The following HHAT variants were observed in gnomAD, a reference collection of about 807,000 sequenced individuals.
HHAT encodes hedgehog acyltransferase.
HHAT carries 47 observed loss-of-function variants against 70.8 expected under a neutral mutation model. The observed-to-expected ratio is 0.66, with a 90% confidence interval of 0.53 to 0.85. The LOEUF is 0.85. Among genes scored for constraint, HHAT ranks in the 40% least tolerant of loss-of-function variants. The pLI, the probability that HHAT is intolerant of heterozygous loss-of-function variation, is 0.00. For missense variants in HHAT, 609 were observed against 604.8 expected (o/e 1.01, Z -0.07); for synonymous variants, 228 against 247.6 (o/e 0.92, Z 0.74).
chr1:210,408,068 T>C (rs1230602423), intron 6 of HHAT, among the ~76,000 whole-genome samples: 1 of 152,198 alleles, frequency 6.6e-6, no homozygotes, highest in African/African-American at 2.4e-5. Flanking sequence ...TGCCTCAGTC[T>C]TCTTATCAGT....
chr1:210,338,753 A>G (rs1442050363), intron 1 of HHAT, among the ~76,000 whole-genome samples: 4 of 152,222 alleles, frequency 2.6e-5, no homozygotes, highest in Non-Finnish European at 5.9e-5. Context: ...CCCTGAAACC[A>G]TATCACACTA....
intron 9 of HHAT, among the ~76,000 whole-genome samples, chr1:210,575,281 A>G (rs1287665740): frequency 6.6e-6 from 1 of 152,018 alleles, no homozygotes; most frequent in Non-Finnish European, 1.5e-5. Flanking sequence ...AAGCTTATAA[A>G]TGCTTTCAGC....
In HHAT at chr1:210,502,383, CAAAAAAA is replaced by C. The variant is rs1177468677; in HGVS notation, c.1008-10757_1008-10751del. The stretch of plus-strand genomic sequence containing the variant: ...TGGGCAAAAGAGCAAGACTCAGTCT[CAAAAAAA>C]AAAAAAAAAAAATCTTTCCTAGTCC... On this transcript the variant is annotated intron_variant, in intron 8 of 11. Transcript: ENST00000261458. Among the ~76,000 whole-genome samples, 54 of 87,020 alleles carry C rather than the reference CAAAAAAA, an allele frequency of 6.2e-4. 1 individual carries two copies. Among genetic ancestry groups the C allele is most frequent in the Non-Finnish European group, 9.1e-4 (41 of 45,068 alleles). 57.1% of individuals were successfully genotyped at this position (87,020 alleles called of 152,430 possible).
intron 9 of HHAT, among the ~76,000 whole-genome samples, chr1:210,516,019 G>A (rs183552098): frequency 3.3e-5 from 5 of 152,168 alleles, no homozygotes; most frequent in African/African-American, 1.2e-4. Context: ...GCAGTGAGCC[G>A]AGATGGGGCC....
chr1:210,449,783 A>G (rs2093710837), intron 7 of HHAT, among the ~76,000 whole-genome samples: 1 of 152,170 alleles, frequency 6.6e-6, no homozygotes, highest in African/African-American at 2.4e-5. Context: ...TCATTGAAAA[A>G]GTGATGGTCA....
intron 2 of HHAT, among the ~76,000 whole-genome samples, chr1:210,354,457 C>T (rs1371214413): frequency 1.3e-5 from 2 of 152,034 alleles, no homozygotes; most frequent in African/African-American, 4.8e-5. Context: ...GCCGGGATTA[C>T]TGGTGATTAT....
chr1:210,380,860 G>A (rs985463576), intron 3 of HHAT, among the ~76,000 whole-genome samples: 1 of 106,596 alleles, frequency 9.4e-6, no homozygotes, highest in African/African-American at 2.8e-5. Context: ...GGGCAGTGAA[G>A]GTTAGGTACG....
At chr1:210,349,184 A>AT in intron 2 of HHAT, 118 bp downstream of exon 2, 1 of 1,067,372 alleles carries the variant, frequency 9.4e-7, no homozygotes, top group Non-Finnish European at 1.3e-6. Context: ...GTGGGCCTTG[A>AT]TTTGCTTCCC....
chr1:210,422,589 C>CT (rs781117017), intron 7 of HHAT, among the ~76,000 whole-genome samples: 3 of 152,158 alleles, frequency 2.0e-5, no homozygotes, highest in Admixed American at 6.5e-5. Flanking sequence ...AAATTTCATT[C>CT]TTTTTTATGG....
intron 6 of HHAT, among the ~76,000 whole-genome samples, chr1:210,405,029 C>T (rs890232475): frequency 6.6e-6 from 1 of 152,116 alleles, no homozygotes; most frequent in Admixed American, 6.5e-5. Context: ...GATGCTATTA[C>T]TTGAAGGAAT....
intron 9 of HHAT, among the ~76,000 whole-genome samples, chr1:210,564,555 A>G (rs1265315689): frequency 6.6e-6 from 1 of 152,250 alleles, no homozygotes; most frequent in African/African-American, 2.4e-5. Flanking sequence ...GTATGTGTCT[A>G]TGTGTATTTA....
At chr1:210,355,953 G>A (rs1197305512) in intron 2 of HHAT, among the ~76,000 whole-genome samples, 1 of 152,068 alleles carries the variant, frequency 6.6e-6, no homozygotes, top group African/African-American at 2.4e-5. Context: ...GTCTCATCCT[G>A]TTGCTCAGGC....
chr1:210,631,981 T>C (rs1437863102), intron 11 of HHAT, among the ~76,000 whole-genome samples: 2 of 152,208 alleles, frequency 1.3e-5, no homozygotes. Flanking sequence ...TCATGTAAGA[T>C]TGTTGAAGGG....
At chr1:210,493,270 TTATATA>T (rs1192928789) in intron 8 of HHAT, among the ~76,000 whole-genome samples, 1 of 151,764 alleles carries the variant, frequency 6.6e-6, no homozygotes, top group African/African-American at 2.4e-5. Context: ...ACATACATAT[TTATATA>T]TATTTATTCA....
intron 11 of HHAT, among the ~76,000 whole-genome samples, chr1:210,660,507 T>C (rs1240854593): frequency 6.6e-6 from 1 of 152,198 alleles, no homozygotes; most frequent in Non-Finnish European, 1.5e-5. Flanking sequence ...ATTTATAGAT[T>C]CAGTGCCATC....
intron 7 of HHAT, among the ~76,000 whole-genome samples, chr1:210,420,631 G>A (rs976446270): frequency 1.3e-5 from 2 of 150,998 alleles, no homozygotes; most frequent in African/African-American, 4.9e-5. Flanking sequence ...TTGTGCACAT[G>A]TACCCTAAAA....
intron 11 of HHAT, among the ~76,000 whole-genome samples, chr1:210,638,306 A>G (rs770361738): frequency 4.6e-5 from 7 of 152,184 alleles, no homozygotes; most frequent in Non-Finnish European, 1.0e-4. Flanking sequence ...CTGTCAAATG[A>G]TATGTGGCAT....
chr1:210,621,783 G>C (rs967416756), intron 10 of HHAT, among the ~76,000 whole-genome samples: 1 of 152,164 alleles, frequency 6.6e-6, no homozygotes, highest in African/African-American at 2.4e-5. Flanking sequence ...TCTAAGTAGA[G>C]ACACCCTACA....
intron 10 of HHAT, among the ~76,000 whole-genome samples, chr1:210,618,213 T>G (rs983709134): frequency 1.3e-5 from 2 of 152,180 alleles, no homozygotes. Context: ...GACTTTGGAA[T>G]CTGAGTCCTC....
Sources: allele counts gnomAD v4.1 joint callset (sites outside exome capture counted in the v4.1 genomes callset), GRCh38; gene constraint gnomAD v4.1.1; transcripts MANE v1.5; gene names NCBI Gene and HGNC (gene_info 2026-07-23, HGNC 2026-07-21).